Variants in SPRY3 observed in about 807,000 individuals in gnomAD.
SPRY3 encodes sprouty RTK signaling antagonist 3, also known as protein sprouty homolog 3.
Under a neutral mutation model 20.2 loss-of-function variants are expected in SPRY3, and 15 were observed. The observed-to-expected ratio is 0.74, with a 90% CI of 0.50 to 1.14. The LOEUF (loss-of-function observed/expected upper bound fraction) is 1.14. Ranked by LOEUF, SPRY3 falls within the 50% of genes most tolerant of loss-of-function variation. The pLI, the probability that SPRY3 is intolerant of heterozygous loss-of-function variation, is 0.00. For synonymous variants in SPRY3, 143 were observed against 136.5 expected (o/e 1.05, Z -0.33); for missense variants, 364 against 363.9 (o/e 1.00, Z 0.00).
intron 2 of SPRY3, among the ~76,000 whole-genome samples, chrX:155,719,716 C>T (rs1208352012): frequency 6.6e-6 from 1 of 152,066 alleles, no homozygotes; most frequent in Non-Finnish European, 1.5e-5. Context: ...ACTAGACACA[C>T]CCTGGGCCAG....
chrX:155,751,649 G>A (rs1221245373), intron 2 of SPRY3, among the ~76,000 whole-genome samples: 1 of 151,740 alleles, frequency 6.6e-6, no homozygotes, highest in Admixed American at 6.6e-5. Flanking sequence ...TACATGATAT[G>A]TTGGTCAGAC....
At chrX:155,724,220 A>G (rs1027574935) in intron 2 of SPRY3, among the ~76,000 whole-genome samples, 5 of 152,124 alleles carry the variant, frequency 3.3e-5, no homozygotes, top group Non-Finnish European at 7.4e-5. Flanking sequence ...AGGTAGCGTG[A>G]TGCCTCCAGC....
chrX:155,740,975 G>A (rs183637518), intron 2 of SPRY3, among the ~76,000 whole-genome samples: 17 of 152,140 alleles, frequency 1.1e-4, no homozygotes, highest in Non-Finnish European at 1.3e-4. Context: ...TTTCTCAGCC[G>A]GCCGACACTT....
chrX:155,699,976 C>CTT (rs35185538), intron 2 of SPRY3, among the ~76,000 whole-genome samples: 4,824 of 91,570 alleles, frequency 0.053, 153 homozygotes, highest in Middle Eastern at 0.12. Flanking sequence ...CCCTTAATCT[C>CTT]TTTTTTTTTT....
In SPRY3 at chrX:155,697,796, C is replaced by T. The variant is rs192672798; in HGVS notation, c.-282+40771C>T. Among the ~76,000 whole-genome samples the T allele has an allele frequency of 1.1e-4, 12 of 110,020 alleles. No homozygotes were observed. The East Asian group carries it at 3.2e-3, about 29-fold the overall frequency. The stretch of plus-strand genomic sequence containing the variant: ...GGCAGGAAGAGTAGATGAGGTAAGA[C>T]TGAACTTAGGTAATCCTGAGTCCCT... On this transcript the variant is annotated intron_variant, in intron 2 of 3. Coordinates refer to ENST00000675360, the Ensembl canonical transcript of SPRY3.
At chrX:155,723,610 G>T (rs1364127770) in intron 2 of SPRY3, among the ~76,000 whole-genome samples, 2 of 151,994 alleles carry the variant, frequency 1.3e-5, no homozygotes, top group Non-Finnish European at 2.9e-5. Context: ...CATATCCTTT[G>T]CCCACTTTTT....
At chrX:155,736,356 T>G (rs1436820715) in intron 2 of SPRY3, among the ~76,000 whole-genome samples, 1 of 151,982 alleles carries the variant, frequency 6.6e-6, no homozygotes, top group Non-Finnish European at 1.5e-5. Context: ...CTTTTAACAT[T>G]TTTTTACAAG....
chrX:155,743,966 C>T (rs1249847767), intron 2 of SPRY3, among the ~76,000 whole-genome samples: 1 of 152,014 alleles, frequency 6.6e-6, no homozygotes, highest in Non-Finnish European at 1.5e-5. Flanking sequence ...ATTTTCTCCT[C>T]ATCTATTCAT....
intron 2 of SPRY3, among the ~76,000 whole-genome samples, chrX:155,697,400 A>G (rs2068122293): frequency 9.1e-6 from 1 of 109,461 alleles, no homozygotes; most frequent in Admixed American, 9.8e-5. Context: ...GAACTACACC[A>G]TTGGCATTTC....
At chrX:155,617,046 C>T (rs1323873823) in intron 1 of SPRY3, among the ~76,000 whole-genome samples, 1 of 106,619 alleles carries the variant, frequency 9.4e-6, no homozygotes, top group African/African-American at 3.4e-5. Flanking sequence ...TTAATTCTTG[C>T]ATGCTGGTTC....
intron 2 of SPRY3, among the ~76,000 whole-genome samples, chrX:155,747,199 C>T (rs2091231910): frequency 6.6e-6 from 1 of 151,870 alleles, no homozygotes; most frequent in Non-Finnish European, 1.5e-5. Context: ...GGAAGGGGCC[C>T]TAGAGCTTAA....
intron 1 of SPRY3, among the ~76,000 whole-genome samples, chrX:155,643,083 T>A (rs1435082880): frequency 2.7e-5 from 3 of 111,953 alleles, no homozygotes; most frequent in Non-Finnish European, 5.6e-5. Context: ...TGTTGAAGTC[T>A]CCAGCTATTA....
intron 2 of SPRY3, among the ~76,000 whole-genome samples, chrX:155,725,190 GCT>G (rs1400856155): frequency 6.6e-6 from 1 of 152,162 alleles, no homozygotes; most frequent in Non-Finnish European, 1.5e-5. Context: ...TGGTGGATAA[GCT>G]TTTTGATGTG....
rs1191407056 is a variant in SPRY3 at position 155,773,130 on chromosome X, C to CT, written c.-106-627dup. On this transcript the variant is annotated intron_variant, in intron 3 of 3. Transcript: ENST00000675360. ...TGGTTTCCTTATACTCTTGGGAAGC[C>CT]TTTTTTTTTCCTACTACACTGCAGA... 7.7e-4 allele frequency among the ~76,000 whole-genome samples: 115 copies of CT among 149,642 alleles called. 3 individuals are homozygous for CT. Among genetic ancestry groups the CT allele is most frequent in the Admixed American group, 7.2e-3 (107 of 14,948 alleles).
intron 1 of SPRY3, among the ~76,000 whole-genome samples, chrX:155,655,570 G>A (rs782507593): frequency 2.2e-4 from 24 of 111,360 alleles, no homozygotes; most frequent in South Asian, 3.8e-4. Context: ...ATTCTTCTGC[G>A]TATGATGATT....
At position 155,642,355 on chromosome X, in the gene SPRY3, T is replaced by G. The variant is rs141703297; in HGVS notation, c.-440-14512T>G. On this transcript the variant is annotated intron_variant, in intron 1 of 3. Transcript: ENST00000675360. The stretch of plus-strand genomic sequence containing the variant: ...GTCTCCTTTTTATCCCTTATTTTAT[T>G]TATTTGGGTCTTCTCTTTTTTTCTT... Among the ~76,000 whole-genome samples the G allele has an allele frequency of 2.2e-3, 248 of 112,104 alleles. 1 individual carries two copies. The highest frequency in any genetic ancestry group is 3.4e-3 in the Non-Finnish European group (179 of 53,124).
At chrX:155,720,466 G>A (rs1176730463) in intron 2 of SPRY3, among the ~76,000 whole-genome samples, 1 of 152,110 alleles carries the variant, frequency 6.6e-6, no homozygotes, top group African/African-American at 2.4e-5. Context: ...GCATTAGCCA[G>A]GTAGTAGTTA....
intron 2 of SPRY3, among the ~76,000 whole-genome samples, chrX:155,712,531 G>T (rs777291749): frequency 3.5e-4 from 53 of 152,030 alleles, no homozygotes; most frequent in African/African-American, 1.1e-3. Context: ...CATTGGCATG[G>T]AATATCATTT....
At chrX:155,622,014 GGAGTATAGGGCCA>G (rs200100067) in intron 1 of SPRY3, among the ~76,000 whole-genome samples, 2,831 of 111,324 alleles carry the variant, frequency 0.025, 41 homozygotes, top group South Asian at 0.038. Flanking sequence ...CAGTATCTCT[GGAGTATAGGGCCA>G]CCTCCTGTAC....
Sources: allele counts gnomAD v4.1 joint callset (sites outside exome capture counted in the v4.1 genomes callset), GRCh38; gene constraint gnomAD v4.1.1; transcripts MANE v1.5; gene names NCBI Gene and HGNC (gene_info 2026-07-23, HGNC 2026-07-21).